Variants in REEP1 observed in about 807,000 individuals in gnomAD.
REEP1 encodes the protein receptor accessory protein 1.
REEP1 carries 22 observed loss-of-function variants against 40.3 expected under a neutral mutation model. That is an observed-to-expected ratio of 0.55 (90% CI 0.39 to 0.78). The LOEUF (loss-of-function observed/expected upper bound fraction) is 0.78. REEP1 is among the 30% of genes least tolerant of loss of function. The pLI is 0.00. For missense variants in REEP1, 280 were observed against 361.1 expected, an observed-to-expected ratio of 0.78 and a Z score of 1.82; for synonymous variants, 116 against 139.2, an observed-to-expected ratio of 0.83 and a Z score of 1.17.
At chr2:86,316,433 A>C (rs1365214241) in intron 1 of REEP1, among the ~76,000 whole-genome samples, 1 of 151,618 alleles carries the variant, frequency 6.6e-6, no homozygotes, top group South Asian at 2.1e-4. Flanking sequence ...CTGTAATATC[A>C]GCTATTTGGG....
intron 2 of REEP1, among the ~76,000 whole-genome samples, chr2:86,280,891 C>T (rs17737955): frequency 0.28 from 42,759 of 151,960 alleles, 7,685 homozygotes; most frequent in Non-Finnish European, 0.4. Flanking sequence ...CTTTCTAAGC[C>T]CACCTTGAAT....
intron 1 of REEP1, among the ~76,000 whole-genome samples, chr2:86,309,104 T>A (rs945436718): frequency 1.3e-5 from 2 of 152,234 alleles, no homozygotes; most frequent in Non-Finnish European, 2.9e-5. Context: ...CTGTCACCTT[T>A]GGCCTAGTTA....
At chr2:86,239,362 A>G in intron 5 of REEP1, among the ~76,000 whole-genome samples, 1 of 152,206 alleles carries the variant, frequency 6.6e-6, no homozygotes, top group Non-Finnish European at 1.5e-5. Context: ...ACACCAAGTC[A>G]CAGGGGAAGG....
chr2:86,256,110 A>C (rs899857172), intron 3 of REEP1, among the ~76,000 whole-genome samples: 2 of 152,058 alleles, frequency 1.3e-5, no homozygotes, highest in Admixed American at 1.3e-4. Context: ...GCACTTTGGG[A>C]GGAAGAGGTG....
intron 1 of REEP1, among the ~76,000 whole-genome samples, chr2:86,298,381 C>G (rs932599346): frequency 3.3e-5 from 5 of 152,234 alleles, no homozygotes; most frequent in African/African-American, 1.2e-4. Context: ...CTTAGGCCAT[C>G]ACACCCGCTC....
chr2:86,225,718 C>T (rs543399809), intron 7 of REEP1, among the ~76,000 whole-genome samples: 89 of 152,340 alleles, frequency 5.8e-4, no homozygotes, highest in Middle Eastern at 3.4e-3. Context: ...CATGCCTCCG[C>T]GGCACCAGGG....
At chr2:86,327,620 T>C (rs1042998988) in intron 1 of REEP1, among the ~76,000 whole-genome samples, 2 of 148,900 alleles carry the variant, frequency 1.3e-5, no homozygotes, top group Non-Finnish European at 3.0e-5. Flanking sequence ...CAGGCTGGAG[T>C]ACAGTGGCGT....
intron 7 of REEP1, 91 bp from the exon 8 acceptor site, chr2:86,220,212 C>T: frequency 2.2e-6 from 2 of 898,366 alleles, no homozygotes; most frequent in Admixed American, 4.3e-5. Context: ...GTTAGGCACA[C>T]AGCACAGCAA....
At chr2:86,302,422 G>A (rs1039093521) in intron 1 of REEP1, among the ~76,000 whole-genome samples, 8 of 152,242 alleles carry the variant, frequency 5.3e-5, no homozygotes, top group Non-Finnish European at 7.3e-5. Flanking sequence ...AACTGAGGAT[G>A]AGAGTAGAGA....
chr2:86,314,934 C>G (rs899585230), intron 1 of REEP1, among the ~76,000 whole-genome samples: 2 of 151,974 alleles, frequency 1.3e-5, no homozygotes, highest in African/African-American at 4.8e-5. Context: ...CTCAAGCTAT[C>G]CACTCACCTC....
At chr2:86,245,999 C>T (rs112656889) in intron 5 of REEP1, among the ~76,000 whole-genome samples, 3,864 of 152,164 alleles carry the variant, frequency 0.025, 141 homozygotes, top group East Asian at 0.19. Flanking sequence ...CTCCTGACCT[C>T]GTGATCCGCC....
chr2:86,241,331 A>G (rs1558881850), intron 5 of REEP1, among the ~76,000 whole-genome samples: 1 of 152,224 alleles, frequency 6.6e-6, no homozygotes, highest in Non-Finnish European at 1.5e-5. Context: ...CTGGTGTGCA[A>G]ACATGCCCAC....
intron 6 of REEP1, 31 bp downstream of exon 6, chr2:86,232,594 T>C: frequency 6.2e-7 from 1 of 1,607,010 alleles, no homozygotes; most frequent in Non-Finnish European, 8.5e-7. Context: ...GCCCAAGGAG[T>C]GGGAAAGAGG....
intron 5 of REEP1, chr2:86,240,108 C>G (rs1001796693): frequency 6.6e-6 from 1 of 152,590 alleles, no homozygotes; most frequent in African/African-American, 2.4e-5. Flanking sequence ...GCCATGGGCA[C>G]CAAGGCAATA....
At chr2:86,234,433 G>A (rs554738395) in intron 5 of REEP1, among the ~76,000 whole-genome samples, 7 of 152,244 alleles carry the variant, frequency 4.6e-5, no homozygotes, top group East Asian at 1.9e-4. Flanking sequence ...TGGGAGGACC[G>A]CCTGAGCCCA....
intron 8 of REEP1, 41 bp downstream of exon 8, chr2:86,219,929 G>A: frequency 8.1e-7 from 1 of 1,230,960 alleles, no homozygotes; most frequent in Non-Finnish European, 1.0e-6. Flanking sequence ...CATAGCCTTT[G>A]GACAAACACA....
At chr2:86,328,274 C>T (rs933890757) in intron 1 of REEP1, among the ~76,000 whole-genome samples, 4 of 152,238 alleles carry the variant, frequency 2.6e-5, no homozygotes, top group African/African-American at 7.2e-5. Flanking sequence ...CTCTGAGCAG[C>T]GTGACCCACT....
At chr2:86,333,027 C>T (rs1680848969) in intron 1 of REEP1, among the ~76,000 whole-genome samples, 1 of 152,200 alleles carries the variant, frequency 6.6e-6, no homozygotes, top group Non-Finnish European at 1.5e-5. Flanking sequence ...ATGTCTGCTG[C>T]CTACTAGCCT....
chr2:86,275,195 C>T (rs973861640), intron 2 of REEP1, among the ~76,000 whole-genome samples: 4 of 152,148 alleles, frequency 2.6e-5, no homozygotes, highest in African/African-American at 9.7e-5. Flanking sequence ...ATCTGCTCAC[C>T]GTGGATGGCT....
Sources: gnomAD v4.1 joint callset for allele counts (sites outside exome capture counted in the v4.1 genomes callset) on GRCh38, gnomAD v4.1.1 for gene constraint, MANE v1.5 for transcripts, NCBI Gene and HGNC (gene_info 2026-07-23, HGNC 2026-07-21) for gene names.